Variants in SMG6 observed in about 807,000 individuals in gnomAD.
The protein encoded by SMG6 is telomerase-binding protein EST1A.
In SMG6, 66 loss-of-function variants were observed where a neutral mutation model predicts 142.2. The ratio of observed to expected loss-of-function variants is 0.46; its 90% CI spans 0.38 to 0.57. SMG6 has a LOEUF of 0.57. Ranked by LOEUF, SMG6 falls within the 20% of genes least tolerant of loss-of-function variation. The pLI is 0.00. For synonymous variants in SMG6, 779 were observed against 702.4 expected (o/e 1.11, Z -1.72); for missense variants, 1,793 against 1,832.0 (o/e 0.98, Z 0.39).
At position 2,061,212 on chromosome 17, in the gene SMG6, C is replaced by G. The variant is rs999329111; in HGVS notation, c.*280G>C. ...GAGGGAGAAAGGCTGAGAGCATGGG[C>G]GGCCTATCTGGCTTGCCCAGCTGCT... is the stretch of plus-strand genomic sequence containing the variant. On this transcript the variant is annotated 3_prime_UTR_variant, in exon 19 of 19. Transcript: ENST00000263073. 9.4e-5 allele frequency: 35 copies of G among 372,944 alleles called. No homozygotes were observed. Among genetic ancestry groups the G allele is most frequent in the Non-Finnish European group, 4.1e-5 (8 of 197,358 alleles). 23.1% of individuals were successfully genotyped at this position (372,944 alleles called of 1,614,324 possible). A position where few individuals can be genotyped will look rare whatever the true frequency, so the allele number is the denominator to read the frequency against.
chr17:2,273,852 T>C (rs567389909), intron 8 of SMG6, among the ~76,000 whole-genome samples: 7 of 152,274 alleles, frequency 4.6e-5, no homozygotes, highest in African/African-American at 1.4e-4. Context: ...ATTAAAATGT[T>C]GTGATCAGAG....
Position 2,299,256 on chromosome 17 carries a change from A to G in SMG6, c.1497T>C (p.Tyr499=). The G allele has an allele frequency of 6.2e-7, 1 of 1,614,006 alleles. No individual in the cohort carries two copies. Among genetic ancestry groups the G allele is most frequent in the Non-Finnish European group, 8.5e-7 (1 of 1,180,002 alleles). The change falls in exon 2 of 19, where the codon TAT becomes TAC. Residue 499 remains tyrosine, a synonymous_variant. Transcript: ENST00000263073. The surrounding 1 kb of genome is among the most constrained non-coding windows in gnomAD (Gnocchi z 4.3). The stretch of plus-strand genomic sequence containing the variant: ...AGGGGTTGTCAGAGTTTTGAAACTT[A>G]TAGTAAGATGCCTGAGCCTGGCGTG... ...GDSRQAQASY[Y]KFQNSDNPYY... is the part of the protein sequence containing the mutation.
Position 2,069,841 on chromosome 17 carries a change from C to G in SMG6, c.3682-910G>C, listed in dbSNP as rs560563638. ...TAAACACGGGTCTTTTCTGTTCTAC[C>G]TCTGCTCCTTTGCCACGAATCTGTA... is the stretch of plus-strand genomic sequence containing the variant. On this transcript the variant is annotated intron_variant, in intron 15 of 18. Coordinates refer to ENST00000263073, the MANE Select transcript of SMG6 (RefSeq NM_017575.5). Among the ~76,000 whole-genome samples, 144 of 152,278 alleles carry G rather than the reference C, an allele frequency of 9.5e-4. 1 individual carries two copies. Among genetic ancestry groups the G allele is most frequent in the African/African-American group, 3.0e-3 (125 of 41,544 alleles).
At chr17:2,131,683 AAATTAATTT>A (rs768184398) in intron 13 of SMG6, among the ~76,000 whole-genome samples, 100 of 152,218 alleles carry the variant, frequency 6.6e-4, no homozygotes, top group Admixed American at 2.7e-3. Context: ...AAAATGCTGT[AAATTAATTT>A]AAAATTAAAC....
intron 13 of SMG6, among the ~76,000 whole-genome samples, chr17:2,122,711 GC>G (rs1342617679): frequency 6.6e-6 from 1 of 152,164 alleles, no homozygotes; most frequent in Non-Finnish European, 1.5e-5. Context: ...CTGGACGTCG[GC>G]CCCATATACT....
At chr17:2,194,434 G>A (rs1053037266) in intron 10 of SMG6, among the ~76,000 whole-genome samples, 5 of 152,200 alleles carry the variant, frequency 3.3e-5, no homozygotes, top group African/African-American at 9.7e-5. Flanking sequence ...TGAAGCAAGC[G>A]AAATTACATG....
At chr17:2,161,230 G>A (rs1472785205) in intron 13 of SMG6, among the ~76,000 whole-genome samples, 1 of 150,806 alleles carries the variant, frequency 6.6e-6, no homozygotes, top group African/African-American at 2.4e-5. Flanking sequence ...TCAGCCTCCC[G>A]AGTAGCTGGG....
chr17:2,201,652 C>A lies in SMG6; in HGVS notation c.2870-13137G>T, dbSNP rs117351698. ...CGAGACCACGCCACTGCACTACAGC[C>A]TGGGTGACAAAGTGAGACTTGATTC... is the stretch of plus-strand genomic sequence containing the variant. On this transcript the variant is annotated intron_variant, in intron 10 of 18. Transcript: ENST00000263073. 5.3e-3 allele frequency among the ~76,000 whole-genome samples: 782 copies of A among 147,972 alleles called. 6 individuals are homozygous for A. The highest frequency in any genetic ancestry group is 0.01 in the Middle Eastern group (3 of 292).
intron 13 of SMG6, among the ~76,000 whole-genome samples, chr17:2,156,637 G>A (rs1029139791): frequency 6.6e-6 from 1 of 151,972 alleles, no homozygotes; most frequent in South Asian, 2.1e-4. Context: ...TTTCCCTCCT[G>A]TCTCTGTTTT....
chr17:2,077,092 G>A (rs749181709), intron 15 of SMG6, among the ~76,000 whole-genome samples: 2 of 152,160 alleles, frequency 1.3e-5, no homozygotes, highest in Non-Finnish European at 2.9e-5. Context: ...TTGTACGGAC[G>A]CTCATTCACA....
At chr17:2,145,407 G>A (rs1270085131) in intron 13 of SMG6, among the ~76,000 whole-genome samples, 1 of 151,472 alleles carries the variant, frequency 6.6e-6, no homozygotes, top group African/African-American at 2.4e-5. Context: ...GTGAGCCACT[G>A]TGCCCAGCCT....
At chr17:2,243,422 T>C (rs2073858019) in intron 9 of SMG6, among the ~76,000 whole-genome samples, 1 of 152,200 alleles carries the variant, frequency 6.6e-6, no homozygotes, top group Non-Finnish European at 1.5e-5. Context: ...GGTTCACGGC[T>C]GTAATCCCAG....
At chr17:2,239,075 G>T (rs1362265016) in intron 9 of SMG6, among the ~76,000 whole-genome samples, 1 of 152,088 alleles carries the variant, frequency 6.6e-6, no homozygotes, top group East Asian at 1.9e-4. Flanking sequence ...TCTAATTCTG[G>T]CCTCAAACTA....
intron 13 of SMG6, among the ~76,000 whole-genome samples, chr17:2,144,345 G>A (rs1258851509): frequency 6.6e-6 from 1 of 152,026 alleles, no homozygotes; most frequent in South Asian, 2.1e-4. Flanking sequence ...GCGGTTACAG[G>A]CGTGAGCCAT....
intron 13 of SMG6, among the ~76,000 whole-genome samples, chr17:2,151,618 A>G (rs1224179391): frequency 6.6e-6 from 1 of 152,238 alleles, no homozygotes; most frequent in Non-Finnish European, 1.5e-5. Context: ...AAGAAACTCT[A>G]CTAATGTCTA....
At chr17:2,134,328 G>A (rs1363059838) in intron 13 of SMG6, among the ~76,000 whole-genome samples, 8 of 134,130 alleles carry the variant, frequency 6.0e-5, no homozygotes, top group African/African-American at 1.4e-4. Context: ...CGAGGCAGGC[G>A]AATTGCTTGA....
At chr17:2,253,823 C>T (rs1045114124) in intron 8 of SMG6, among the ~76,000 whole-genome samples, 1 of 152,186 alleles carries the variant, frequency 6.6e-6, no homozygotes, top group Admixed American at 6.6e-5. Context: ...TGCTCTCGGA[C>T]AGTCACACAC....
chr17:2,186,212 A>G (rs1237389801), intron 12 of SMG6, among the ~76,000 whole-genome samples: 1 of 149,968 alleles, frequency 6.7e-6, no homozygotes, highest in East Asian at 2.0e-4. Flanking sequence ...AGCTGAGATC[A>G]TGCCACTGCA....
chr17:2,094,457 T>G (rs531302744), intron 13 of SMG6, among the ~76,000 whole-genome samples: 1 of 152,162 alleles, frequency 6.6e-6, no homozygotes, highest in Non-Finnish European at 1.5e-5. Context: ...CAGGCTGGTC[T>G]CTAATTCCTT....
Sources: allele counts gnomAD v4.1 joint callset (sites outside exome capture counted in the v4.1 genomes callset), GRCh38; gene constraint gnomAD v4.1.1; non-coding constraint Gnocchi (gnomAD v3.1); transcripts MANE v1.5; gene names NCBI Gene and HGNC (gene_info 2026-07-23, HGNC 2026-07-21).